The following HSPD1 variants were observed in gnomAD, a reference collection of about 807,000 sequenced individuals.
HSPD1 encodes 60 kDa heat shock protein, mitochondrial.
HSPD1 carries 3 observed loss-of-function variants against 53.0 expected under a neutral mutation model. The observed-to-expected ratio is 0.06, with a 90% CI of 0.03 to 0.15. The LOEUF (loss-of-function observed/expected upper bound fraction) is 0.15, where lower values mean the gene tolerates loss of function less well. HSPD1 is among the 10% of genes least tolerant of loss of function. The pLI is 1.00. For missense variants in HSPD1, 431 were observed against 694.1 expected, an observed-to-expected ratio of 0.62 and a Z score of 4.26; for synonymous variants, 200 against 228.0, an observed-to-expected ratio of 0.88 and a Z score of 1.10.
At chr2:197,488,957 T>C (rs2086059058) in intron 9 of HSPD1, 45 bp downstream of exon 9, 1 of 1,607,654 alleles carries the variant, frequency 6.2e-7, no homozygotes, top group South Asian at 1.1e-5. Flanking sequence ...AAAATCATTC[T>C]TGGACTCAGA....
chr2:197,490,378 A>T (rs2086075994), intron 7 of HSPD1, 82 bp from the exon 8 acceptor site: 4 of 1,059,948 alleles, frequency 3.8e-6, no homozygotes, highest in Non-Finnish European at 4.4e-6. Context: ...TTACTAGATT[A>T]CTTAGGACTC....
At chr2:197,493,781 A>G (rs1033014026) in intron 6 of HSPD1, among the ~76,000 whole-genome samples, 2 of 152,214 alleles carry the variant, frequency 1.3e-5, no homozygotes, top group African/African-American at 4.8e-5. Context: ...CCTGGCCAAC[A>G]TGGCTAAACC....
chr2:197,490,344 A>C, intron 7 of HSPD1, 48 bp from the exon 8 acceptor site: 2 of 1,359,846 alleles, frequency 1.5e-6, no homozygotes, highest in Non-Finnish European at 2.1e-6. Context: ...AAAAATGCCT[A>C]TCTGTTTAAT....
At chr2:197,488,980 T>TA in intron 9 of HSPD1, 22 bp downstream of exon 9, 2 of 1,612,836 alleles carry the variant, frequency 1.2e-6, no homozygotes, top group Non-Finnish European at 1.7e-6. Flanking sequence ...CCAAGAAACT[T>TA]ATTCATAATA....
chr2:197,494,731 C>T lies in HSPD1; in HGVS notation c.532G>A (p.Gly178Arg), dbSNP rs763177690. ...IAQVATISAN[G>R]DKEIGNIISD... ...ATGATATTGCCAATTTCTTTGTCTCCGTTTGCAGAAATCGTAGCAACCTGA... is the reference window on the plus strand; with the variant it reads ...ATGATATTGCCAATTTCTTTGTCTCTGTTTGCAGAAATCGTAGCAACCTGA... Residue 178 changes from glycine to arginine, a missense_variant, in exon 5 of 12, where the codon GGA (glycine) becomes AGA (arginine). By Grantham distance (125) the Gly-to-Arg change is moderately radical (BLOSUM62 -2). Transcript: ENST00000388968. 1.2e-6 allele frequency: 2 copies of T among 1,612,524 alleles called. No homozygotes were observed. Among genetic ancestry groups the T allele is most frequent in the East Asian group, 2.2e-5 (1 of 44,800 alleles).
intron 6 of HSPD1, 37 bp downstream of exon 6, chr2:197,494,120 A>G (rs765844017): frequency 1.0e-6 from 1 of 979,996 alleles, no homozygotes; most frequent in South Asian, 1.3e-5. Context: ...CTAAAATAAT[A>G]AAAATAATAA....
rs1175159284 is a variant in HSPD1 at position 197,494,551 on chromosome 2, A to G, written c.606+106T>C. 6 of 814,676 alleles carry G rather than the reference A, an allele frequency of 7.4e-6. No homozygotes were observed. The East Asian group carries it at 1.5e-4, about 21-fold the overall frequency. The allele number at this position is 814,676 out of a possible 1,614,324, so 50.5% of individuals were successfully genotyped here. ...GAAGGAATAAAAAAAGCAGTTTTTA[A>G]AACAGAATTTTTCTGTTTGAAAAAT... On this transcript the variant is annotated intron_variant, in intron 5 of 11. Coordinates refer to ENST00000388968, the MANE Select transcript of HSPD1 (RefSeq NM_002156.5).
intron 11 of HSPD1, among the ~76,000 whole-genome samples, chr2:197,487,450 G>A (rs2086040163): frequency 6.6e-6 from 1 of 152,206 alleles, no homozygotes; most frequent in East Asian, 1.9e-4. Flanking sequence ...AGGAGCCTGA[G>A]GCAGGAGAAT....
chr2:197,487,231 T>C (rs1390644161), intron 11 of HSPD1, 33 bp from the exon 12 acceptor site: 1 of 1,586,060 alleles, frequency 6.3e-7, no homozygotes, highest in Non-Finnish European at 8.6e-7. Context: ...AGTTTTCCCT[T>C]AGTAAAATAT....
intron 6 of HSPD1, 54 bp downstream of exon 6, chr2:197,494,103 A>G (rs984357407): frequency 6.8e-6 from 6 of 883,856 alleles, no homozygotes; most frequent in African/African-American, 1.7e-5. Context: ...AGAGAATGAG[A>G]CTCTGTCTAA....
rs73988473 is a variant in HSPD1, at chr2:197,488,545, T to A, written c.1216-54A>T. 11,908 of 1,501,690 alleles carry A rather than the reference T, an allele frequency of 7.9e-3. 727 individuals are homozygous for A. In the African/African-American group the frequency reaches 0.14, roughly 17 times the overall value. 93.0% of individuals were successfully genotyped at this position (1,501,690 alleles called of 1,614,324 possible). On this transcript the variant is annotated intron_variant, in intron 9 of 11. Transcript: ENST00000388968. ...TGGCCTCTTCATTCAAGATGCTAAT[T>A]GCCAAGTCATTTAAAAGCAGTTTAC...
upstream of HSPD1, chr2:197,500,247 T>G: frequency 1.4e-6 from 1 of 715,408 alleles, no homozygotes; most frequent in Non-Finnish European, 2.4e-6. Flanking sequence ...GCAGGGCCCT[T>G]GGGGCGAATC....
At chr2:197,490,419 TTTTG>T in intron 7 of HSPD1, 123 bp from the exon 8 acceptor site, 1 of 721,918 alleles carries the variant, frequency 1.4e-6, no homozygotes, top group Non-Finnish European at 2.4e-6. Flanking sequence ...TTTTGTGTTT[TTTTG>T]TTTTTTTTTT....
In HSPD1 at chr2:197,488,510, C is replaced by A; in HGVS notation, c.1216-19G>T. ...CACCAACCTAAAGACGAAAAGAATT[C>A]CAGTTAGTATGGCCTCTTCATTCAA... is the stretch of plus-strand genomic sequence containing the variant. On this transcript the variant is annotated intron_variant, in intron 9 of 11. Transcript: ENST00000388968. 1 of 1,608,728 alleles carries A rather than the reference C, an allele frequency of 6.2e-7. No homozygotes were observed. Among genetic ancestry groups the A allele is most frequent in the Non-Finnish European group, 8.5e-7 (1 of 1,175,140 alleles).
chr2:197,491,999 A>T (rs2086098923), intron 7 of HSPD1, among the ~76,000 whole-genome samples: 1 of 152,150 alleles, frequency 6.6e-6, no homozygotes, highest in Non-Finnish European at 1.5e-5. Context: ...CTACAAAAAA[A>T]TTAAAAGATC....
chr2:197,492,787 G>A (rs978077078), intron 7 of HSPD1, among the ~76,000 whole-genome samples: 5 of 151,540 alleles, frequency 3.3e-5, no homozygotes, highest in African/African-American at 7.3e-5. Flanking sequence ...TGAGGCGGGC[G>A]GATCACGAGG....
rs759648711 is a variant in HSPD1, at chr2:197,488,053, G to A, written c.1391-17C>T. ...TTTCTATACCTACAGAGAAATTTCAGCAAAATTTTAATACTTTCATTTGTA... is the reference window on the plus strand; with the variant it reads ...TTTCTATACCTACAGAGAAATTTCAACAAAATTTTAATACTTTCATTTGTA... On this transcript the variant is annotated splice_polypyrimidine_tract_variant and intron_variant, in intron 10 of 11. Transcript: ENST00000388968. The A allele has an allele frequency of 1.8e-5, 28 of 1,541,970 alleles. No individual in the cohort carries two copies. The highest frequency in any genetic ancestry group is 2.4e-5 in the Non-Finnish European group (27 of 1,124,814).
chr2:197,488,283 A>T (rs754431299), intron 10 of HSPD1, 34 bp downstream of exon 10: 1 of 1,596,322 alleles, frequency 6.3e-7, no homozygotes, highest in Admixed American at 1.7e-5. Context: ...AACTAAAATC[A>T]GGCCACAAAC....
At chr2:197,492,475 C>T (rs1305462594) in intron 7 of HSPD1, among the ~76,000 whole-genome samples, 1 of 152,088 alleles carries the variant, frequency 6.6e-6, no homozygotes, top group Non-Finnish European at 1.5e-5. Flanking sequence ...TAGCTGTGAG[C>T]CACCATGCCT....
Sources: allele counts gnomAD v4.1 joint callset (sites outside exome capture counted in the v4.1 genomes callset), GRCh38; gene constraint gnomAD v4.1.1; transcripts MANE v1.5; gene names NCBI Gene and HGNC (gene_info 2026-07-23, HGNC 2026-07-21).